The following NAALADL2 variants were observed in gnomAD, a reference collection of about 807,000 sequenced individuals.
NAALADL2 encodes inactive N-acetylated-alpha-linked acidic dipeptidase-like protein 2.
NAALADL2 carries 76 observed loss-of-function variants against 87.2 expected under a neutral mutation model. The observed-to-expected ratio is 0.87, with a 90% CI of 0.72 to 1.05. The LOEUF is 1.05. Among genes scored for constraint, NAALADL2 ranks in the 50% least tolerant of loss-of-function variants. The pLI is 0.00. For missense variants in NAALADL2, 1,089 were observed against 945.8 expected, an observed-to-expected ratio of 1.15 and a Z score of -1.99; for synonymous variants, 354 against 331.0, an observed-to-expected ratio of 1.07 and a Z score of -0.75.
chr3:174,802,713 A>G (rs1031306384), intron 3 of NAALADL2, among the ~76,000 whole-genome samples: 1 of 152,082 alleles, frequency 6.6e-6, no homozygotes, highest in African/African-American at 2.4e-5. Context: ...ACTCCTACCT[A>G]TGAGTGAGAA....
intron 2 of NAALADL2, among the ~76,000 whole-genome samples, chr3:174,650,250 G>A (rs1277014828): frequency 2.6e-5 from 4 of 151,922 alleles, no homozygotes; most frequent in Non-Finnish European, 4.4e-5. Flanking sequence ...TGCTATGAGG[G>A]ACATTGAATG....
intron 2 of NAALADL2, among the ~76,000 whole-genome samples, chr3:174,711,974 G>C (rs894886410): frequency 6.6e-6 from 1 of 151,748 alleles, no homozygotes; most frequent in Non-Finnish European, 1.5e-5. Context: ...TAATTTTTGT[G>C]TTTTAGTAGA....
At chr3:174,603,283 A>T (rs1718639876) in intron 2 of NAALADL2, among the ~76,000 whole-genome samples, 1 of 151,812 alleles carries the variant, frequency 6.6e-6, no homozygotes, top group African/African-American at 2.4e-5. Context: ...CTTTGATCTT[A>T]TTACTTGTTG....
intron 2 of NAALADL2, among the ~76,000 whole-genome samples, chr3:174,572,734 T>C (rs1715076986): frequency 6.6e-6 from 1 of 152,194 alleles, no homozygotes; most frequent in Admixed American, 6.5e-5. Context: ...AATGTAACTT[T>C]AAAAATGTTA....
chr3:174,441,767 G>A (rs570087812), intron 1 of NAALADL2, among the ~76,000 whole-genome samples: 16 of 147,766 alleles, frequency 1.1e-4, no homozygotes, highest in African/African-American at 3.3e-4. Context: ...GCGTCTCTTG[G>A]TGCCTTGTGT....
intron 2 of NAALADL2, among the ~76,000 whole-genome samples, chr3:174,647,311 G>T (rs536458792): frequency 6.2e-4 from 94 of 152,118 alleles, no homozygotes; most frequent in Non-Finnish European, 1.1e-3. Flanking sequence ...ACTGGTTTGT[G>T]AATAACAGAA....
chr3:174,684,167 A>G (rs1157721805), intron 2 of NAALADL2, among the ~76,000 whole-genome samples: 1 of 152,062 alleles, frequency 6.6e-6, no homozygotes, highest in Admixed American at 6.6e-5. Context: ...ATTAAAATCT[A>G]AAAATTTAAA....
chr3:175,679,005 G>C (rs1735225557), intron 11 of NAALADL2, among the ~76,000 whole-genome samples: 1 of 152,048 alleles, frequency 6.6e-6, no homozygotes, highest in Non-Finnish European at 1.5e-5. Flanking sequence ...GGTAGGTAAA[G>C]GAAAATTCAG....
At chr3:175,731,780 A>G (rs1743787873) in intron 11 of NAALADL2, among the ~76,000 whole-genome samples, 1 of 152,190 alleles carries the variant, frequency 6.6e-6, no homozygotes, top group African/African-American at 2.4e-5. Context: ...GCCACTCTTA[A>G]AAAACAAACA....
chr3:175,340,630 C>A lies in NAALADL2; in HGVS notation c.1090+16305C>A, dbSNP rs574417961. On this transcript the variant is annotated intron_variant, in intron 5 of 13. Coordinates refer to ENST00000454872, the MANE Select transcript of NAALADL2 (RefSeq NM_207015.3). ...GTGGCAGCATGGCTTCTTCAACTGG[C>A]CCTAGAGTTATGAAAGCAAGCCCCT... Among the ~76,000 whole-genome samples, 4 of 152,214 alleles carry A rather than the reference C, an allele frequency of 2.6e-5. No individual in the cohort carries two copies. In the South Asian group the frequency reaches 6.2e-4, roughly 24 times the overall value.
intron 9 of NAALADL2, among the ~76,000 whole-genome samples, chr3:175,515,106 A>G (rs1731658980): frequency 6.6e-6 from 1 of 152,218 alleles, no homozygotes; most frequent in Non-Finnish European, 1.5e-5. Flanking sequence ...AAAGGATTCA[A>G]TCTGTGTCAT....
chr3:175,088,694 ACT>A (rs1719516774), intron 1 of NAALADL2, among the ~76,000 whole-genome samples: 1 of 152,146 alleles, frequency 6.6e-6, no homozygotes, highest in Admixed American at 6.5e-5. Flanking sequence ...ACAAGCTTCA[ACT>A]CTCTGTTCTT....
intron 5 of NAALADL2, among the ~76,000 whole-genome samples, chr3:175,355,573 C>A (rs1764274551): frequency 6.6e-6 from 1 of 152,130 alleles, no homozygotes; most frequent in Non-Finnish European, 1.5e-5. Context: ...GCTTGGACAT[C>A]AGAAACTTAG....
intron 3 of NAALADL2, among the ~76,000 whole-genome samples, chr3:174,828,222 A>G (rs1248612005): frequency 2.6e-5 from 4 of 151,796 alleles, no homozygotes; most frequent in African/African-American, 9.7e-5. Flanking sequence ...TCCCCCCAAA[A>G]GATGGATTAG....
intron 3 of NAALADL2, among the ~76,000 whole-genome samples, chr3:174,746,140 G>A (rs527883373): frequency 6.6e-6 from 1 of 152,246 alleles, no homozygotes; most frequent in Admixed American, 6.5e-5. Context: ...AAGTCAAACT[G>A]TCTCTGTTTG....
Position 175,404,439 on chromosome 3 carries a change from A to G in NAALADL2, c.1091-42790A>G, listed in dbSNP as rs114893413. On this transcript the variant is annotated intron_variant, in intron 5 of 13. Transcript: ENST00000454872. ...TATTCCTGAACGTCGAATAGCCACA[A>G]CTTCTGAAGGAAGATCAGTTGCAAA... Among the ~76,000 whole-genome samples, 1,001 of 152,252 alleles carry G rather than the reference A, an allele frequency of 6.6e-3. 11 individuals carry two copies. Among genetic ancestry groups the G allele is most frequent in the African/African-American group, 0.023 (953 of 41,568 alleles).
At chr3:174,686,070 T>C (rs1728009300) in intron 2 of NAALADL2, among the ~76,000 whole-genome samples, 4 of 152,138 alleles carry the variant, frequency 2.6e-5, no homozygotes, top group Admixed American at 2.6e-4. Flanking sequence ...CGTCTGTCAT[T>C]GATGGGCATT....
chr3:175,710,969 T>C (rs1020647188), intron 11 of NAALADL2, among the ~76,000 whole-genome samples: 2 of 152,006 alleles, frequency 1.3e-5, no homozygotes, highest in African/African-American at 4.8e-5. Flanking sequence ...ATGAATTCTA[T>C]GAACCTTCAT....
chr3:175,741,410 C>T (rs989930502), intron 12 of NAALADL2, among the ~76,000 whole-genome samples: 1 of 152,032 alleles, frequency 6.6e-6, no homozygotes, highest in East Asian at 1.9e-4. Context: ...AATACCATCA[C>T]TTTAGGGGTT....
Sources: gnomAD v4.1 joint callset for allele counts (sites outside exome capture counted in the v4.1 genomes callset) on GRCh38, gnomAD v4.1.1 for gene constraint, MANE v1.5 for transcripts, NCBI Gene and HGNC (gene_info 2026-07-23, HGNC 2026-07-21) for gene names.